Variants in MORC1 observed in about 807,000 individuals in gnomAD.
MORC1 encodes the protein MORC family CW-type zinc finger 1.
Under a neutral mutation model 134.9 loss-of-function variants are expected in MORC1, and 59 were observed. The ratio of observed to expected loss-of-function variants is 0.44; its 90% CI spans 0.35 to 0.54. MORC1 has a LOEUF of 0.54. MORC1 is among the 20% of genes least tolerant of loss of function. MORC1 has a pLI of 0.00. For missense variants in MORC1, 947 were observed against 1,134.5 expected (o/e 0.83, Z 2.37); for synonymous variants, 395 against 391.7 (o/e 1.01, Z -0.10).
At chr3:109,050,840 A>G (rs1949806980) in intron 14 of MORC1, among the ~76,000 whole-genome samples, 1 of 152,144 alleles carries the variant, frequency 6.6e-6, no homozygotes, top group African/African-American at 2.4e-5. Context: ...AGTGAGAGTG[A>G]GCGGATTAAA....
At position 109,074,236 on chromosome 3, in the gene MORC1, C is replaced by T. The variant is rs184410700; in HGVS notation, c.690-4479G>A. Among the ~76,000 whole-genome samples, 391 of 152,268 alleles carry T rather than the reference C, an allele frequency of 2.6e-3. 2 individuals carry two copies. The highest frequency in any genetic ancestry group is 9.0e-3 in the African/African-American group (375 of 41,546). ...GCCTGAGATCGATCCCGAGCCATGG[C>T]GGATTTCAGGGATGTGGCAAGCCCC... On this transcript the variant is annotated intron_variant, in intron 8 of 27. Transcript: ENST00000232603.
intron 24 of MORC1, among the ~76,000 whole-genome samples, chr3:108,974,680 G>A (rs1019371716): frequency 1.3e-5 from 2 of 152,204 alleles, no homozygotes; most frequent in Non-Finnish European, 2.9e-5. Context: ...TTAGGAACAG[G>A]AATAGTCCTT....
chr3:109,057,078 G>A (rs1256768449), intron 13 of MORC1, among the ~76,000 whole-genome samples: 1 of 152,086 alleles, frequency 6.6e-6, no homozygotes, highest in South Asian at 2.1e-4. Flanking sequence ...GCAAAGAGGT[G>A]GCACAAGGAA....
intron 12 of MORC1, among the ~76,000 whole-genome samples, chr3:109,059,097 A>G (rs1309407317): frequency 2.0e-5 from 3 of 152,176 alleles, no homozygotes; most frequent in African/African-American, 7.2e-5. Context: ...TTACATTTAA[A>G]ATTTAAGTTT....
At chr3:109,059,568 T>A (rs1950033588) in intron 12 of MORC1, among the ~76,000 whole-genome samples, 2 of 152,314 alleles carry the variant, frequency 1.3e-5, no homozygotes, top group South Asian at 4.1e-4. Flanking sequence ...TTTTCACTTT[T>A]TTTTTGGAAG....
At chr3:109,040,484 G>GA (rs1307634761) in intron 14 of MORC1, among the ~76,000 whole-genome samples, 1 of 145,840 alleles carries the variant, frequency 6.9e-6, no homozygotes, top group Admixed American at 6.8e-5. Context: ...AAGAAAGAAA[G>GA]AAAGGAAAGA....
intron 9 of MORC1, among the ~76,000 whole-genome samples, chr3:109,065,960 AC>A (rs1321777484): frequency 6.6e-6 from 1 of 152,202 alleles, no homozygotes; most frequent in Non-Finnish European, 1.5e-5. Context: ...TGGGAGCTAC[AC>A]ACTGAGCACA....
chr3:109,019,458 A>C (rs1948903606), intron 17 of MORC1, among the ~76,000 whole-genome samples: 1 of 152,228 alleles, frequency 6.6e-6, no homozygotes, highest in Admixed American at 6.5e-5. Context: ...AAAATAGAAA[A>C]GCAGAGTCGT....
At chr3:108,968,445 A>C (rs979452487) in intron 26 of MORC1, among the ~76,000 whole-genome samples, 15 of 152,214 alleles carry the variant, frequency 9.9e-5, no homozygotes, top group African/African-American at 3.6e-4. Context: ...AATATGGTTT[A>C]GGTTCTACTT....
chr3:109,113,112 C>T (rs908720047), intron 2 of MORC1, among the ~76,000 whole-genome samples: 1 of 152,222 alleles, frequency 6.6e-6, no homozygotes, highest in East Asian at 1.9e-4. Flanking sequence ...AAAGTGGGCC[C>T]ATTCAGTAGG....
At chr3:109,103,967 G>A in intron 3 of MORC1, 50 bp from the exon 4 acceptor site, 1 of 1,461,064 alleles carries the variant, frequency 6.8e-7, no homozygotes, top group Non-Finnish European at 9.6e-7. Context: ...TAATTTGTTA[G>A]TCAGAAAGTC....
chr3:109,083,338 A>G (rs1400129794), intron 8 of MORC1, among the ~76,000 whole-genome samples: 1 of 152,088 alleles, frequency 6.6e-6, no homozygotes, highest in Non-Finnish European at 1.5e-5. Flanking sequence ...TTCGAGATAC[A>G]AGATCCACTG....
chr3:109,109,243 T>C (rs1951108752), intron 3 of MORC1, among the ~76,000 whole-genome samples: 1 of 152,152 alleles, frequency 6.6e-6, no homozygotes, highest in African/African-American at 2.4e-5. Context: ...GCACTTATCA[T>C]TGCCTTGTAT....
intron 8 of MORC1, among the ~76,000 whole-genome samples, chr3:109,076,647 A>C (rs887075186): frequency 2.6e-5 from 4 of 152,204 alleles, no homozygotes; most frequent in African/African-American, 7.2e-5. Context: ...CTATGCAGCC[A>C]TAAGAAAGGA....
chr3:108,991,190 G>T (rs1046562480), intron 21 of MORC1, among the ~76,000 whole-genome samples: 1 of 152,128 alleles, frequency 6.6e-6, no homozygotes, highest in Admixed American at 6.5e-5. Flanking sequence ...TTCTGAGTAG[G>T]AGAATGACAT....
At chr3:108,976,708 C>A (rs571307678) in intron 24 of MORC1, among the ~76,000 whole-genome samples, 1 of 152,198 alleles carries the variant, frequency 6.6e-6, no homozygotes, top group Admixed American at 6.5e-5. Context: ...AAAATTTAAG[C>A]TGGTACAGAA....
At chr3:109,068,415 T>C (rs1178505736) in intron 9 of MORC1, among the ~76,000 whole-genome samples, 1 of 152,222 alleles carries the variant, frequency 6.6e-6, no homozygotes, top group Non-Finnish European at 1.5e-5. Context: ...TGCCTTTGCA[T>C]TCTCATAGCT....
chr3:109,097,307 A>G (rs1950847981), intron 6 of MORC1, among the ~76,000 whole-genome samples: 1 of 152,238 alleles, frequency 6.6e-6, no homozygotes, highest in Non-Finnish European at 1.5e-5. Context: ...TCCTGAAAGA[A>G]AATAAATTCC....
chr3:109,112,124 A>G (rs1951179731), intron 2 of MORC1, among the ~76,000 whole-genome samples: 2 of 152,238 alleles, frequency 1.3e-5, no homozygotes, highest in East Asian at 3.8e-4. Context: ...TTAAAGAGGT[A>G]GTTTTTTCAT....
Sources: gnomAD v4.1 joint callset for allele counts (sites outside exome capture counted in the v4.1 genomes callset) on GRCh38, gnomAD v4.1.1 for gene constraint, MANE v1.5 for transcripts, NCBI Gene and HGNC (gene_info 2026-07-23, HGNC 2026-07-21) for gene names.